The following F13A1 variants were observed in gnomAD, a reference collection of about 807,000 sequenced individuals.
F13A1 encodes the protein coagulation factor XIII A chain, also known as FSF, A subunit.
In F13A1, 47 loss-of-function variants were observed where a neutral mutation model predicts 80.1. That is an observed-to-expected ratio of 0.59 (90% CI 0.46 to 0.75). The LOEUF (loss-of-function observed/expected upper bound fraction) is 0.75, where lower values mean the gene tolerates loss of function less well. Among genes scored for constraint, F13A1 ranks in the 30% least tolerant of loss-of-function variants. F13A1 has a pLI of 0.00. For synonymous variants in F13A1, 349 were observed against 344.9 expected, an observed-to-expected ratio of 1.01 and a Z score of -0.13; for missense variants, 817 against 930.4, an observed-to-expected ratio of 0.88 and a Z score of 1.59.
At chr6:6,307,931 T>A (rs73718719) in intron 2 of F13A1, among the ~76,000 whole-genome samples, 1,620 of 152,326 alleles carry the variant, frequency 0.011, 31 homozygotes, top group African/African-American at 0.037. Flanking sequence ...AGTCCTCTTA[T>A]TCATTTTAGC....
chr6:6,227,645 T>C lies in F13A1; in HGVS notation c.799-2785A>G, dbSNP rs541283332. On this transcript the variant is annotated intron_variant, in intron 6 of 14. Transcript: ENST00000264870. ...GTTTAGCTTTGAACTCACATTATCATTCCCTTATCACTGAGACATAAAATA... is the reference window on the plus strand; with the variant it reads ...GTTTAGCTTTGAACTCACATTATCACTCCCTTATCACTGAGACATAAAATA... Among the ~76,000 whole-genome samples the C allele has an allele frequency of 2.0e-4, 30 of 152,330 alleles. No homozygotes were observed. In the South Asian group the frequency reaches 5.8e-3, roughly 29 times the overall value.
intron 14 of F13A1, among the ~76,000 whole-genome samples, chr6:6,147,955 T>C (rs1428218216): frequency 6.6e-6 from 1 of 152,160 alleles, no homozygotes; most frequent in African/African-American, 2.4e-5. Context: ...ATACCGGCCA[T>C]TTATCATCTT....
rs759640593 is a variant in F13A1 at position 6,145,632 on chromosome 6, C to T, written c.2186G>A (p.Arg729Gln). ...CTTCCTGTGCATTCACATGGAAGGTCGTCTTTGAATCTGCACGTCCAGCTC... is the reference window on the plus strand; with the variant it reads ...CTTCCTGTGCATTCACATGGAAGGTTGTCTTTGAATCTGCACGTCCAGCTC... ...YGELDVQIQR[R>Q]PSM Residue 729 changes from arginine (R) to glutamine (Q), a missense_variant, in exon 15 of 15, where the codon CGA becomes CAA. Physicochemically the swap from Arg to Gln is conservative, Grantham distance 43. Coordinates refer to ENST00000264870, the MANE Select transcript of F13A1 (RefSeq NM_000129.4). 82 of 1,613,984 alleles carry T rather than the reference C, an allele frequency of 5.1e-5. 3 individuals carry two copies. The South Asian group carries it at 6.9e-4, about 14-fold the overall frequency.
At chr6:6,237,587 T>C (rs1757429752) in intron 6 of F13A1, among the ~76,000 whole-genome samples, 1 of 152,216 alleles carries the variant, frequency 6.6e-6, no homozygotes, top group Non-Finnish European at 1.5e-5. Flanking sequence ...CCTGGTGCCC[T>C]ATTGATCCTT....
Position 6,205,224 on chromosome 6 carries a change from C to T in F13A1, c.1113-7898G>A, listed in dbSNP as rs77039007. Among the ~76,000 whole-genome samples, 435 of 152,316 alleles carry T rather than the reference C, an allele frequency of 2.9e-3. 3 individuals are homozygous for T. Among genetic ancestry groups the T allele is most frequent in the African/African-American group, 0.01 (423 of 41,560 alleles). On this transcript the variant is annotated intron_variant, in intron 8 of 14. Transcript: ENST00000264870. ...CGTGTAAATACAGTCTGATATAGCA[C>T]AAGAGACCTCAATGGAGGGGGTTGC... is the stretch of plus-strand genomic sequence containing the variant.
chr6:6,284,491 A>G (rs901491259), intron 3 of F13A1, among the ~76,000 whole-genome samples: 8 of 152,204 alleles, frequency 5.3e-5, no homozygotes, highest in Non-Finnish European at 1.2e-4. Flanking sequence ...TTGCTTTAAT[A>G]CAAAAGGCCC....
At chr6:6,218,131 C>T (rs1009111249) in intron 8 of F13A1, among the ~76,000 whole-genome samples, 2 of 152,170 alleles carry the variant, frequency 1.3e-5, no homozygotes, top group African/African-American at 2.4e-5. Context: ...CAAAAGAACA[C>T]AGGGAGGCTT....
At chr6:6,308,480 C>A (rs1005895854) in intron 2 of F13A1, among the ~76,000 whole-genome samples, 3 of 149,774 alleles carry the variant, frequency 2.0e-5, no homozygotes, top group Admixed American at 1.3e-4. Context: ...AAAAAAGAGA[C>A]CATTACATCT....
intron 8 of F13A1, among the ~76,000 whole-genome samples, chr6:6,221,046 G>A (rs942330472): frequency 6.6e-6 from 1 of 152,160 alleles, no homozygotes; most frequent in Non-Finnish European, 1.5e-5. Context: ...TTGGATGCTT[G>A]TATAACAGAA....
In F13A1 at chr6:6,195,788, C is replaced by T. The variant is rs1214304673; in HGVS notation, c.1305+9G>A. 3.7e-6 allele frequency: 6 copies of T among 1,613,398 alleles called. No homozygotes were observed. The highest frequency in any genetic ancestry group is 2.2e-5 in the East Asian group (1 of 44,884). On this transcript the variant is annotated intron_variant, in intron 10 of 14. Transcript: ENST00000264870. ...GAAAAACAGCACTTTCCTCCAGCTT[C>T]CTGCTTACCTCTGCAAAAACAAAAG...
chr6:6,279,110 TGGAAATAGGGA>T (rs1758027087), intron 3 of F13A1, among the ~76,000 whole-genome samples: 1 of 152,120 alleles, frequency 6.6e-6, no homozygotes, highest in South Asian at 2.1e-4. Flanking sequence ...AACTGGGTGT[TGGAAATAGGGA>T]GGAAAGTGGA....
chr6:6,163,964 C>A (rs1392313111), intron 13 of F13A1, among the ~76,000 whole-genome samples: 1 of 151,698 alleles, frequency 6.6e-6, no homozygotes, highest in Non-Finnish European at 1.5e-5. Flanking sequence ...CTCCACAACC[C>A]CACGAGTACC....
At chr6:6,145,834 C>T in intron 14 of F13A1, 62 bp from the exon 15 acceptor site, 1 of 1,610,032 alleles carries the variant, frequency 6.2e-7, no homozygotes, top group Non-Finnish European at 8.5e-7. Context: ...GATCAGGAAG[C>T]AATGAAAACT....
At chr6:6,318,811 G>A (rs1238196563) in intron 1 of F13A1, 129 bp from the exon 2 acceptor site, 14 of 972,662 alleles carry the variant, frequency 1.4e-5, no homozygotes, top group South Asian at 4.5e-5. Flanking sequence ...ACATTTTGCC[G>A]TTTGCATAAA....
intron 3 of F13A1, among the ~76,000 whole-genome samples, chr6:6,294,841 C>T (rs1008614902): frequency 1.3e-5 from 2 of 149,936 alleles, no homozygotes; most frequent in Admixed American, 6.6e-5. Flanking sequence ...TGCGCTGCAC[C>T]CACTAACTCG....
chr6:6,226,319 T>C (rs1471671310), intron 6 of F13A1, among the ~76,000 whole-genome samples: 2 of 152,168 alleles, frequency 1.3e-5, no homozygotes, highest in Non-Finnish European at 2.9e-5. Context: ...GGGAGCTTGT[T>C]AGGAATTCAG....
intron 13 of F13A1, among the ~76,000 whole-genome samples, chr6:6,155,939 T>C (rs1035712950): frequency 6.6e-6 from 1 of 152,244 alleles, no homozygotes; most frequent in African/African-American, 2.4e-5. Flanking sequence ...ATATTTTTCA[T>C]TTTCTTGCTC....
intron 3 of F13A1, among the ~76,000 whole-genome samples, chr6:6,269,106 G>A (rs1757885217): frequency 6.6e-6 from 1 of 152,146 alleles, no homozygotes; most frequent in African/African-American, 2.4e-5. Context: ...ATGTCCCAAG[G>A]AAAGTACGTT....
chr6:6,290,603 C>T (rs559770920), intron 3 of F13A1, among the ~76,000 whole-genome samples: 17 of 152,250 alleles, frequency 1.1e-4, no homozygotes, highest in African/African-American at 4.1e-4. Context: ...CAGCATGATC[C>T]AACTGTATTT....
Sources: gnomAD v4.1 joint callset for allele counts (sites outside exome capture counted in the v4.1 genomes callset) on GRCh38, gnomAD v4.1.1 for gene constraint, MANE v1.5 for transcripts, NCBI Gene and HGNC (gene_info 2026-07-23, HGNC 2026-07-21) for gene names.